TRPM3: variants seen among roughly 807,000 people sequenced by gnomAD.
TRPM3 encodes long transient receptor potential channel 3.
A neutral mutation model predicts 181.2 loss-of-function variants in TRPM3; 77 were observed. The ratio of observed to expected loss-of-function variants is 0.42; its 90% CI spans 0.35 to 0.51. The LOEUF is 0.51. Ranked by LOEUF, TRPM3 falls within the 20% of genes least tolerant of loss-of-function variation. The pLI, the probability that TRPM3 is intolerant of heterozygous loss-of-function variation, is 0.01. For synonymous variants in TRPM3, 745 were observed against 796.4 expected (o/e 0.94, Z 1.09); for missense variants, 1,759 against 2,196.7 (o/e 0.80, Z 3.98).
At chr9:70,791,433 A>G (rs117787312) in intron 6 of TRPM3, among the ~76,000 whole-genome samples, 78 of 152,362 alleles carry the variant, frequency 5.1e-4, no homozygotes, top group South Asian at 2.3e-3. Context: ...TTCCCAAGGC[A>G]TATGTTTCCA....
At chr9:71,222,626 T>G (rs1350299650) in intron 1 of TRPM3, among the ~76,000 whole-genome samples, 1 of 152,086 alleles carries the variant, frequency 6.6e-6, no homozygotes, top group Non-Finnish European at 1.5e-5. Context: ...CATTAAGTGG[T>G]TTTAACTTCA....
At position 70,536,561 on chromosome 9, in the gene TRPM3, C is replaced by A. The variant is rs886318551; in HGVS notation, c.4552G>T (p.Ala1518Ser). 18 of 1,614,080 alleles carry A rather than the reference C, an allele frequency of 1.1e-5. No homozygotes were observed. The highest frequency in any genetic ancestry group is 1.4e-5 in the Non-Finnish European group (17 of 1,180,008). Residue 1518 changes from alanine to serine, a missense_variant, in exon 26 of 26, where the codon GCC becomes TCC. Coordinates refer to ENST00000677713, the MANE Select transcript of TRPM3 (RefSeq NM_001366145.2). ...TCTTCTAGAAGAAAGGGTGTGGTGGCTAGGTAGCGGCTACTTTTGGAACGC... is the reference window on the plus strand; with the variant it reads ...TCTTCTAGAAGAAAGGGTGTGGTGGATAGGTAGCGGCTACTTTTGGAACGC... ...IERSKSSRYLATTPFLLEEAP... is the reference protein window; with the variant it reads ...IERSKSSRYLSTTPFLLEEAP...
At chr9:70,664,533 T>C (rs901937725) in intron 9 of TRPM3, among the ~76,000 whole-genome samples, 2 of 152,070 alleles carry the variant, frequency 1.3e-5, no homozygotes, top group Non-Finnish European at 2.9e-5. Flanking sequence ...ATTGCTTTGA[T>C]GGAACTTAAC....
At chr9:71,108,264 G>T (rs865984363) in intron 1 of TRPM3, among the ~76,000 whole-genome samples, 6 of 152,282 alleles carry the variant, frequency 3.9e-5, no homozygotes, top group Middle Eastern at 3.4e-3. Context: ...TACTTGCAGA[G>T]TGAAATCATA....
intron 1 of TRPM3, among the ~76,000 whole-genome samples, chr9:71,205,277 C>T (rs536414553): frequency 6.6e-6 from 1 of 151,938 alleles, no homozygotes; most frequent in Non-Finnish European, 1.5e-5. Flanking sequence ...TTTCAAAGAT[C>T]GAGTGTTGAA....
intron 1 of TRPM3, among the ~76,000 whole-genome samples, chr9:71,156,420 C>CACACACACA (rs778160040): frequency 7.1e-5 from 10 of 140,524 alleles, no homozygotes; most frequent in East Asian, 4.0e-4. Flanking sequence ...CACACACACA[C>CACACACACA]AAGGCTTATC....
intron 6 of TRPM3, among the ~76,000 whole-genome samples, chr9:70,798,879 C>T (rs2088014599): frequency 6.6e-6 from 1 of 152,150 alleles, no homozygotes; most frequent in African/African-American, 2.4e-5. Context: ...GGTCAGAGAC[C>T]TAGAGAAGAA....
At chr9:71,341,867 C>T (rs1236144643) in intron 1 of TRPM3, among the ~76,000 whole-genome samples, 2 of 151,454 alleles carry the variant, frequency 1.3e-5, no homozygotes, top group Non-Finnish European at 2.9e-5. Flanking sequence ...AAAAAAATGC[C>T]ATAAAGTCAA....
intron 1 of TRPM3, among the ~76,000 whole-genome samples, chr9:70,927,451 T>C (rs1156791066): frequency 6.6e-6 from 1 of 152,188 alleles, no homozygotes; most frequent in Non-Finnish European, 1.5e-5. Context: ...AGAATTTCAA[T>C]GCACTGGCAA....
chr9:70,620,492 G>A, intron 15 of TRPM3, 127 bp from the exon 16 acceptor site: 3 of 1,052,294 alleles, frequency 2.9e-6, no homozygotes, highest in East Asian at 2.4e-5. Flanking sequence ...GCCAGCTCCT[G>A]TCCTAAAAGA....
intron 1 of TRPM3, among the ~76,000 whole-genome samples, chr9:71,007,072 A>G (rs1291531963): frequency 7.1e-6 from 1 of 141,078 alleles, no homozygotes; most frequent in African/African-American, 2.6e-5. Flanking sequence ...AAGAAAGAAA[A>G]AAAAGACTAA....
At chr9:71,395,812 G>T (rs1008667324) in intron 1 of TRPM3, among the ~76,000 whole-genome samples, 6 of 152,130 alleles carry the variant, frequency 3.9e-5, no homozygotes, top group African/African-American at 1.4e-4. Flanking sequence ...TAATCAGTGA[G>T]GTGAGAAAGT....
chr9:71,350,871 G>C (rs145946530), intron 1 of TRPM3, among the ~76,000 whole-genome samples: 1 of 152,272 alleles, frequency 6.6e-6, no homozygotes, highest in African/African-American at 2.4e-5. Flanking sequence ...ATGGTAACTG[G>C]TGTGGAAGAT....
intron 1 of TRPM3, among the ~76,000 whole-genome samples, chr9:71,282,387 G>GAAA (rs1376066566): frequency 1.2e-5 from 1 of 80,430 alleles, no homozygotes; most frequent in Non-Finnish European, 2.5e-5. Flanking sequence ...AAGAAAGAAA[G>GAAA]GAAAGAAAGA....
At chr9:70,915,654 G>C in intron 1 of TRPM3, among the ~76,000 whole-genome samples, 1 of 151,162 alleles carries the variant, frequency 6.6e-6, no homozygotes. Flanking sequence ...GAAAGAATTA[G>C]TGAGCTTGAA....
intron 1 of TRPM3, among the ~76,000 whole-genome samples, chr9:70,987,524 T>A (rs989464208): frequency 6.6e-6 from 1 of 152,138 alleles, no homozygotes; most frequent in Non-Finnish European, 1.5e-5. Flanking sequence ...TCTATTTTAT[T>A]CCCCAATATT....
intron 1 of TRPM3, among the ~76,000 whole-genome samples, chr9:70,972,476 G>A (rs546956385): frequency 3.3e-5 from 5 of 152,202 alleles, no homozygotes; most frequent in Admixed American, 1.3e-4. Context: ...TGGGATGAGC[G>A]GAAATGGGGA....
intron 1 of TRPM3, among the ~76,000 whole-genome samples, chr9:71,348,064 A>C (rs1345234975): frequency 1.3e-5 from 2 of 152,184 alleles, no homozygotes; most frequent in Non-Finnish European, 2.9e-5. Context: ...AGAAATAAAA[A>C]AAATTGTTAT....
chr9:71,359,910 TATAAG>T (rs1216114015), intron 1 of TRPM3, among the ~76,000 whole-genome samples: 2 of 152,138 alleles, frequency 1.3e-5, no homozygotes, highest in Non-Finnish European at 2.9e-5. Flanking sequence ...AAAATACTAT[TATAAG>T]ATAAGATGCC....
Sources: gnomAD v4.1 joint callset for allele counts (sites outside exome capture counted in the v4.1 genomes callset) on GRCh38, gnomAD v4.1.1 for gene constraint, MANE v1.5 for transcripts, NCBI Gene and HGNC (gene_info 2026-07-23, HGNC 2026-07-21) for gene names.